Variants in RBPMS observed in about 807,000 individuals in gnomAD.
The protein encoded by RBPMS is RNA-binding protein with multiple splicing.
RBPMS carries 7 observed loss-of-function variants against 26.8 expected under a neutral mutation model. The observed-to-expected ratio is 0.26, with a 90% CI of 0.15 to 0.49. The LOEUF (loss-of-function observed/expected upper bound fraction) is 0.49, where lower values mean the gene tolerates loss of function less well. RBPMS is among the 20% of genes least tolerant of loss of function. RBPMS has a pLI of 0.98. For synonymous variants in RBPMS, 96 were observed against 93.3 expected, an observed-to-expected ratio of 1.03 and a Z score of -0.17; for missense variants, 186 against 250.0, an observed-to-expected ratio of 0.74 and a Z score of 1.73.
intron 1 of RBPMS, among the ~76,000 whole-genome samples, chr8:30,453,089 T>C (rs1014054661): frequency 1.3e-5 from 2 of 152,340 alleles, no homozygotes; most frequent in Admixed American, 6.5e-5. Flanking sequence ...GCTGCCTATA[T>C]CCGCATCATT....
chr8:30,457,580 ATTCTTTTTTTTTTTT>A (rs1489787832), intron 1 of RBPMS, among the ~76,000 whole-genome samples: 1 of 107,782 alleles, frequency 9.3e-6, no homozygotes, highest in Non-Finnish European at 1.8e-5. Flanking sequence ...TTTGATTTAC[ATTCTTTTTTTTTTTT>A]TTTTTTTTTT....
rs765793790 is a variant in RBPMS at position 30,571,460 on chromosome 8, G to T, written c.*935G>T. 9.2e-5 allele frequency: 14 copies of T among 152,288 alleles called. No homozygotes were observed. Among genetic ancestry groups the T allele is most frequent in the Non-Finnish European group, 1.6e-4 (11 of 68,054 alleles). The allele number at this position is 152,288 out of a possible 1,614,324, so 9.4% of individuals were successfully genotyped here. A position where few individuals can be genotyped will look rare whatever the true frequency, so the allele number is the denominator to read the frequency against. On this transcript the variant is annotated 3_prime_UTR_variant, in exon 9 of 9. Transcript: ENST00000397323. ...GTGCAGAGCCTGCCTCACTGGTAAG[G>T]GAAAACCTTGGCTTGGGAGGCCAGC...
At chr8:30,515,462 C>T (rs1341308885) in intron 5 of RBPMS, among the ~76,000 whole-genome samples, 1 of 151,986 alleles carries the variant, frequency 6.6e-6, no homozygotes, top group Non-Finnish European at 1.5e-5. Flanking sequence ...CTCTGTGAGA[C>T]CATATTTTTT....
chr8:30,547,581 C>T, intron 6 of RBPMS: 1 of 1,096,380 alleles, frequency 9.1e-7, no homozygotes, highest in Non-Finnish European at 1.3e-6. Flanking sequence ...AGGTGTTACT[C>T]TCTGACTGAG....
chr8:30,436,892 C>T (rs975041760), intron 1 of RBPMS, among the ~76,000 whole-genome samples: 2 of 150,708 alleles, frequency 1.3e-5, no homozygotes, highest in Non-Finnish European at 2.9e-5. Flanking sequence ...TGAACCTTTA[C>T]GTGTTTACAC....
chr8:30,562,326 C>CA (rs1827562346), intron 7 of RBPMS, among the ~76,000 whole-genome samples: 4 of 90,154 alleles, frequency 4.4e-5, no homozygotes, highest in Admixed American at 1.2e-4. Context: ...GCAAGACTGT[C>CA]GAAAAAAAAA....
intron 1 of RBPMS, among the ~76,000 whole-genome samples, chr8:30,393,584 G>A (rs1210084031): frequency 5.9e-5 from 9 of 151,298 alleles, no homozygotes; most frequent in Admixed American, 3.3e-4. Context: ...GTGCAGTGGC[G>A]CCATCTCACT....
intron 4 of RBPMS, among the ~76,000 whole-genome samples, chr8:30,502,189 T>G: frequency 7.0e-6 from 1 of 143,092 alleles, no homozygotes; most frequent in East Asian, 2.1e-4. Flanking sequence ...ATTTGGAACA[T>G]GATGTTGATG....
At chr8:30,504,650 T>G (rs1363639809) in intron 5 of RBPMS, among the ~76,000 whole-genome samples, 1 of 152,200 alleles carries the variant, frequency 6.6e-6, no homozygotes, top group Non-Finnish European at 1.5e-5. Context: ...AATAGAACCA[T>G]AACTTCAGAA....
chr8:30,467,255 A>G (rs555524467), intron 1 of RBPMS, among the ~76,000 whole-genome samples: 24 of 152,360 alleles, frequency 1.6e-4, no homozygotes, highest in African/African-American at 5.5e-4. Context: ...AGTCCTCAGC[A>G]GGGTTCAGTC....
chr8:30,481,991 T>A (rs1214619155), intron 4 of RBPMS, among the ~76,000 whole-genome samples: 1 of 152,208 alleles, frequency 6.6e-6, no homozygotes. Context: ...TCCTTTTGCT[T>A]GCTTTGTACA....
Position 30,385,153 on chromosome 8 carries a change from G to T in RBPMS, c.61G>T (p.Glu21Ter). 1 of 1,518,546 alleles carries T rather than the reference G, an allele frequency of 6.6e-7. No individual in the cohort carries two copies. The allele number at this position is 1,518,546 out of a possible 1,614,324, so 94.1% of individuals were successfully genotyped here. A position where few individuals can be genotyped will look rare whatever the true frequency, so the allele number is the denominator to read the frequency against. The change falls in exon 1 of 9, where the codon GAG becomes TAG. Residue 21 changes from glutamate (E) to a stop codon, truncating the protein, a stop_gained. Coordinates refer to ENST00000397323, the MANE Select transcript of RBPMS (RefSeq NM_001008710.3). LOFTEE classifies it high-confidence loss of function. ...CCCGAGCGAGGCCAACCTTCAGGAG[G>T]AGGAGGTACTGGGCGGCTCGGTGTG... The part of the protein sequence containing the change: ...NTPSEANLQE[E>*]EVRTLFVSGL...
chr8:30,412,035 C>T (rs1346579306), intron 1 of RBPMS, among the ~76,000 whole-genome samples: 1 of 152,018 alleles, frequency 6.6e-6, no homozygotes, highest in Non-Finnish European at 1.5e-5. Flanking sequence ...AATGTTTCTC[C>T]TCCTTTCTGT....
At chr8:30,511,779 G>A (rs1821744261) in intron 5 of RBPMS, among the ~76,000 whole-genome samples, 1 of 151,368 alleles carries the variant, frequency 6.6e-6, no homozygotes, top group Non-Finnish European at 1.5e-5. Flanking sequence ...AGCTGAGATC[G>A]CACCATTCCT....
chr8:30,477,271 G>A (rs765010496), intron 2 of RBPMS, among the ~76,000 whole-genome samples: 7 of 151,996 alleles, frequency 4.6e-5, no homozygotes, highest in Non-Finnish European at 7.4e-5. Flanking sequence ...CGATGGTCTC[G>A]ATCTCCAGAC....
chr8:30,392,025 A>G (rs985728525), intron 1 of RBPMS, among the ~76,000 whole-genome samples: 2 of 152,158 alleles, frequency 1.3e-5, no homozygotes, highest in South Asian at 4.1e-4. Flanking sequence ...CAGGGTCTTC[A>G]TGTGCAGATT....
chr8:30,531,199 T>G (rs1304554733), intron 5 of RBPMS, among the ~76,000 whole-genome samples: 5 of 152,154 alleles, frequency 3.3e-5, no homozygotes, highest in South Asian at 4.1e-4. Context: ...GGTTCTAGAT[T>G]TGTAGGGGAC....
chr8:30,427,573 CTG>C (rs1563308899), intron 1 of RBPMS, among the ~76,000 whole-genome samples: 2 of 152,238 alleles, frequency 1.3e-5, no homozygotes, highest in African/African-American at 2.4e-5. Context: ...CTCTCTCTTC[CTG>C]TCTTTCCATG....
chr8:30,488,468 C>T (rs944278918), intron 4 of RBPMS, among the ~76,000 whole-genome samples: 5 of 152,118 alleles, frequency 3.3e-5, no homozygotes, highest in Non-Finnish European at 7.3e-5. Flanking sequence ...GATAGATACA[C>T]CTCTGTGGAA....
Sources: allele counts gnomAD v4.1 joint callset (sites outside exome capture counted in the v4.1 genomes callset), GRCh38; gene constraint gnomAD v4.1.1; transcripts MANE v1.5; gene names NCBI Gene and HGNC (gene_info 2026-07-23, HGNC 2026-07-21).